FERRY3: variants seen among roughly 807,000 people sequenced by gnomAD.
FERRY3 encodes protein C12orf4.
the FERRY3 span, chr12:4,491,075 G>C: frequency 1.8e-5 from 18 of 1,015,806 alleles, no homozygotes; most frequent in Non-Finnish European, 2.8e-5. Context: ...TGAGGCACTA[G>C]ATTACAGGGG....
chr12:4,530,591 A>G, the FERRY3 span, among the ~76,000 whole-genome samples: 1 of 152,258 alleles, frequency 6.6e-6, no homozygotes, highest in Non-Finnish European at 1.5e-5. Context: ...AATGAAAGCC[A>G]AATTCATGCA....
At chr12:4,491,260 T>G in the FERRY3 span, 1 of 1,589,708 alleles carries the variant, frequency 6.3e-7, no homozygotes, top group Non-Finnish European at 8.6e-7. Flanking sequence ...AAACATAAGA[T>G]ATGTTTTTGA....
At chr12:4,505,500 G>A in the FERRY3 span, 5 of 673,562 alleles carry the variant, frequency 7.4e-6, no homozygotes, top group Non-Finnish European at 1.3e-5. Context: ...TATGTGCCAG[G>A]CATTCTGCTA....
chr12:4,523,905 A>C, the FERRY3 span, among the ~76,000 whole-genome samples: 3 of 152,298 alleles, frequency 2.0e-5, no homozygotes, highest in Admixed American at 2.0e-4. Flanking sequence ...GCATGTATAC[A>C]TATGTAACAA....
At chr12:4,514,661 C>T in the FERRY3 span, among the ~76,000 whole-genome samples, 24 of 147,040 alleles carry the variant, frequency 1.6e-4, no homozygotes, top group African/African-American at 4.3e-4. Flanking sequence ...AACCAAACAC[C>T]GCATATTCTC....
chr12:4,527,906 T>C, the FERRY3 span, among the ~76,000 whole-genome samples: 1 of 150,278 alleles, frequency 6.7e-6, no homozygotes, highest in Non-Finnish European at 1.5e-5. Context: ...TAAAAAACTA[T>C]TCCATGAAAA....
chr12:4,518,403 C>T, the FERRY3 span: 1 of 668,268 alleles, frequency 1.5e-6, no homozygotes, highest in Admixed American at 3.1e-5. Flanking sequence ...ATTTTAATGA[C>T]TTTTTCAGTT....
At chr12:4,525,690 T>TC in the FERRY3 span, 2 of 768,150 alleles carry the variant, frequency 2.6e-6, no homozygotes, top group Non-Finnish European at 4.0e-6. Context: ...AAATTTATTT[T>TC]ATAGAAATGT....
At chr12:4,491,919 C>T in the FERRY3 span, among the ~76,000 whole-genome samples, 1 of 152,122 alleles carries the variant, frequency 6.6e-6, no homozygotes, top group African/African-American at 2.4e-5. Flanking sequence ...GGATCTTTTG[C>T]ACTCTTAAAT....
At chr12:4,506,599 G>C in the FERRY3 span, among the ~76,000 whole-genome samples, 1 of 152,110 alleles carries the variant, frequency 6.6e-6, no homozygotes, top group African/African-American at 2.4e-5. Context: ...TGTTCACATG[G>C]AGTATGAACA....
At chr12:4,500,690 G>T in the FERRY3 span, among the ~76,000 whole-genome samples, 2 of 152,142 alleles carry the variant, frequency 1.3e-5, no homozygotes, top group African/African-American at 4.8e-5. Flanking sequence ...GTCTTACTCT[G>T]TCACCAAGCT....
chr12:4,508,858 AT>A, the FERRY3 span: 1 of 152,286 alleles, frequency 6.6e-6, no homozygotes, highest in Non-Finnish European at 1.5e-5. Flanking sequence ...AACTTAAAAA[AT>A]ATTTGAAATG....
chr12:4,500,075 G>T, the FERRY3 span: 8 of 1,423,392 alleles, frequency 5.6e-6, no homozygotes, highest in African/African-American at 1.4e-5. Context: ...TATAATATTG[G>T]GGGTTAAATC....
the FERRY3 span, among the ~76,000 whole-genome samples, chr12:4,498,539 C>G: frequency 6.6e-6 from 1 of 152,126 alleles, no homozygotes; most frequent in Admixed American, 6.5e-5. Context: ...AGGATAGTAC[C>G]AGGATTCTCC....
the FERRY3 span, among the ~76,000 whole-genome samples, chr12:4,499,237 CT>C: frequency 6.6e-6 from 1 of 152,160 alleles, no homozygotes; most frequent in South Asian, 2.1e-4. Context: ...TGGTCTTGAA[CT>C]CTGGGCTAAA....
chr12:4,534,253 A>T, the FERRY3 span: 1 of 1,612,546 alleles, frequency 6.2e-7, no homozygotes, highest in Non-Finnish European at 8.5e-7. Flanking sequence ...CTCTATCATA[A>T]TCGCTGAGGG....
the FERRY3 span, among the ~76,000 whole-genome samples, chr12:4,524,779 T>G: frequency 6.6e-6 from 1 of 152,170 alleles, no homozygotes. Context: ...AAGTTATAAT[T>G]TATGAGAAAT....
At chr12:4,535,902 A>G in the FERRY3 span, 1 of 797,190 alleles carries the variant, frequency 1.3e-6, no homozygotes. This position sits in a 1 kb window ranked among gnomAD's most constrained non-coding sequence, Gnocchi z 4.0. Context: ...ATCAGTTCCT[A>G]TGTTATGGCT....
chr12:4,527,790 C>T, the FERRY3 span, among the ~76,000 whole-genome samples: 10 of 151,632 alleles, frequency 6.6e-5, no homozygotes, highest in African/African-American at 2.2e-4. Flanking sequence ...TAGATGAATT[C>T]AAGTATTATT....
Sources: gnomAD v4.1 joint callset for allele counts (sites outside exome capture counted in the v4.1 genomes callset) on GRCh38, gnomAD v4.1.1 for gene constraint, Gnocchi (gnomAD v3.1) non-coding constraint, MANE v1.5 for transcripts, NCBI Gene and HGNC (gene_info 2026-07-23, HGNC 2026-07-21) for gene names.